CLSTN2: variants seen among roughly 807,000 people sequenced by gnomAD.
The protein encoded by CLSTN2 is calsyntenin-2.
Under a neutral mutation model 101.2 loss-of-function variants are expected in CLSTN2, and 48 were observed. That is an observed-to-expected ratio of 0.47 (90% CI 0.38 to 0.60). The LOEUF is 0.60. Among genes scored for constraint, CLSTN2 ranks in the 20% least tolerant of loss-of-function variants. The probability of loss-of-function intolerance (pLI) is 0.00; values close to 1 mark genes in which losing one functional copy is unlikely to be tolerated. For missense variants in CLSTN2, 1,160 were observed against 1,238.2 expected (o/e 0.94, Z 0.95); for synonymous variants, 481 against 463.6 (o/e 1.04, Z -0.48).
At chr3:139,985,384 C>A (rs565339909) in intron 1 of CLSTN2, among the ~76,000 whole-genome samples, 1 of 152,046 alleles carries the variant, frequency 6.6e-6, no homozygotes, top group Non-Finnish European at 1.5e-5. Flanking sequence ...ATTTGGAGAG[C>A]TTTTTGAGCT....
chr3:140,342,340 T>C (rs983158410), intron 2 of CLSTN2, among the ~76,000 whole-genome samples: 5 of 152,130 alleles, frequency 3.3e-5, no homozygotes, highest in African/African-American at 4.8e-5. Flanking sequence ...AAATGTCCCT[T>C]GGGGGACAAA....
chr3:140,045,671 C>G (rs2007862985), intron 1 of CLSTN2, among the ~76,000 whole-genome samples: 1 of 152,148 alleles, frequency 6.6e-6, no homozygotes, highest in Admixed American at 6.5e-5. Context: ...ATAAATTTCC[C>G]TCTACACACT....
chr3:140,305,440 A>T (rs1576507557), intron 2 of CLSTN2, among the ~76,000 whole-genome samples: 1 of 152,324 alleles, frequency 6.6e-6, no homozygotes, highest in Middle Eastern at 3.4e-3. Flanking sequence ...CAAATCCCTT[A>T]TCTCCAAAAG....
At chr3:140,416,268 T>C (rs897068201) in intron 4 of CLSTN2, among the ~76,000 whole-genome samples, 1 of 152,108 alleles carries the variant, frequency 6.6e-6, no homozygotes, top group Non-Finnish European at 1.5e-5. Context: ...TAATATAAGA[T>C]GAATAAATAC....
chr3:140,012,960 T>C (rs969316994), intron 1 of CLSTN2, among the ~76,000 whole-genome samples: 3 of 152,114 alleles, frequency 2.0e-5, no homozygotes, highest in Non-Finnish European at 2.9e-5. Context: ...GTTACAACTA[T>C]GGATGATAGC....
At chr3:140,039,833 TTAAA>T (rs1235874986) in intron 1 of CLSTN2, among the ~76,000 whole-genome samples, 1 of 152,200 alleles carries the variant, frequency 6.6e-6, no homozygotes, top group Non-Finnish European at 1.5e-5. Context: ...ATTTAACTTA[TTAAA>T]TAAGTATAAA....
In CLSTN2 at chr3:140,562,153, T is replaced by G. The variant is rs1196418450; in HGVS notation, c.2057T>G (p.Val686Gly). 6.2e-7 allele frequency: 1 copy of G among 1,613,912 alleles called. No homozygotes were observed. Among genetic ancestry groups the G allele is most frequent in the Non-Finnish European group, 8.5e-7 (1 of 1,179,906 alleles). ...CTTCCTACAGACCCCAAATCAGAAG[T>G]CTTAGAGGAAATGCTTCATAACTTA... is the stretch of plus-strand genomic sequence containing the variant. ...DVKTTDPKSEVLEEMLHNLDF... is the reference protein window; with the variant it reads ...DVKTTDPKSEGLEEMLHNLDF... Residue 686 changes from valine to glycine, a missense_variant, in exon 13 of 17, where the codon GTC (valine) becomes GGC (glycine). Transcript: ENST00000458420.
intron 2 of CLSTN2, among the ~76,000 whole-genome samples, chr3:140,270,688 A>G (rs912857324): frequency 6.6e-6 from 1 of 152,152 alleles, no homozygotes; most frequent in African/African-American, 2.4e-5. Context: ...TGGATCTACA[A>G]TTGGTAACTG....
At chr3:140,203,036 G>A (rs1439036529) in intron 2 of CLSTN2, among the ~76,000 whole-genome samples, 4 of 152,192 alleles carry the variant, frequency 2.6e-5, no homozygotes, top group Non-Finnish European at 4.4e-5. Flanking sequence ...GAACCCCAAG[G>A]TGGGAGGATC....
At chr3:140,526,837 A>C (rs756683178) in intron 8 of CLSTN2, among the ~76,000 whole-genome samples, 2 of 152,192 alleles carry the variant, frequency 1.3e-5, no homozygotes, top group Non-Finnish European at 2.9e-5. Flanking sequence ...CAATGGAATA[A>C]GGACACTCTA....
intron 8 of CLSTN2, among the ~76,000 whole-genome samples, chr3:140,517,397 T>G (rs566938623): frequency 1.3e-5 from 2 of 152,248 alleles, no homozygotes; most frequent in South Asian, 4.1e-4. Flanking sequence ...GAACCTTGTT[T>G]TGTTATGTTA....
chr3:140,377,600 A>C (rs994995440), intron 2 of CLSTN2, among the ~76,000 whole-genome samples: 40 of 152,210 alleles, frequency 2.6e-4, no homozygotes, highest in African/African-American at 9.6e-4. Flanking sequence ...AATAAATTGC[A>C]AAAGTAGAAA....
intron 2 of CLSTN2, among the ~76,000 whole-genome samples, chr3:140,348,888 T>C (rs928277199): frequency 2.6e-5 from 4 of 152,234 alleles, no homozygotes; most frequent in Non-Finnish European, 5.9e-5. Flanking sequence ...CCCAGTCCCC[T>C]GCTTCTGGCA....
In CLSTN2 at chr3:140,125,051, C is replaced by T. The variant is rs1576436078; in HGVS notation, c.110-50900C>T. 3.3e-5 allele frequency among the ~76,000 whole-genome samples: 5 copies of T among 152,164 alleles called. No homozygotes were observed. In the South Asian group the frequency reaches 8.3e-4, roughly 25 times the overall value. On this transcript the variant is annotated intron_variant, in intron 1 of 16. Coordinates refer to ENST00000458420, the MANE Select transcript of CLSTN2 (RefSeq NM_022131.3). ...AGTAAGATGAGGCCTGAGAACTAAC[C>T]ACTGGATTTAGTAGTGGGATGCAAG...
chr3:140,507,152 C>A (rs758668182), intron 8 of CLSTN2: 31 of 152,152 alleles, frequency 2.0e-4, no homozygotes, highest in Non-Finnish European at 3.5e-4. Context: ...TAACTGAGGG[C>A]CATGAGTTAA....
At chr3:140,080,554 T>C (rs1476265951) in intron 1 of CLSTN2, among the ~76,000 whole-genome samples, 1 of 152,180 alleles carries the variant, frequency 6.6e-6, no homozygotes, top group African/African-American at 2.4e-5. Context: ...CTTGAGTCTC[T>C]CTTCATTAAG....
At chr3:139,992,881 A>G (rs1004208190) in intron 1 of CLSTN2, among the ~76,000 whole-genome samples, 7 of 152,134 alleles carry the variant, frequency 4.6e-5, no homozygotes, top group Non-Finnish European at 8.8e-5. Context: ...CTCTTCCTCC[A>G]CTTCCCTGGA....
intron 2 of CLSTN2, among the ~76,000 whole-genome samples, chr3:140,248,121 G>T (rs1445951658): frequency 1.3e-5 from 2 of 152,222 alleles, no homozygotes; most frequent in East Asian, 3.9e-4. Flanking sequence ...TCAAAGACCT[G>T]TCTGTGGGTA....
intron 2 of CLSTN2, among the ~76,000 whole-genome samples, chr3:140,299,818 G>C (rs1043790446): frequency 6.6e-6 from 1 of 152,156 alleles, no homozygotes; most frequent in Non-Finnish European, 1.5e-5. Context: ...TTCTAATTTA[G>C]TTTGCATGGA....
Sources: gnomAD v4.1 joint callset for allele counts (sites outside exome capture counted in the v4.1 genomes callset) on GRCh38, gnomAD v4.1.1 for gene constraint, MANE v1.5 for transcripts, NCBI Gene and HGNC (gene_info 2026-07-23, HGNC 2026-07-21) for gene names.